SNX29: variants seen among roughly 807,000 people sequenced by gnomAD.
The protein encoded by SNX29 is sorting nexin-29.
Under a neutral mutation model 102.1 loss-of-function variants are expected in SNX29, and 78 were observed. The observed-to-expected ratio is 0.76, with a 90% CI of 0.64 to 0.92. The LOEUF is 0.92. SNX29 is among the 40% of genes least tolerant of loss of function. SNX29 has a pLI of 0.00. For synonymous variants in SNX29, 580 were observed against 414.5 expected (o/e 1.40, Z -4.85); for missense variants, 1,280 against 1,061.7 (o/e 1.21, Z -2.86).
At chr16:12,248,251 T>C (rs1255931436) in intron 14 of SNX29, among the ~76,000 whole-genome samples, 4 of 152,292 alleles carry the variant, frequency 2.6e-5, no homozygotes, top group African/African-American at 9.6e-5. Context: ...CCTGGCCTCT[T>C]CCTCCTCCCT....
intron 12 of SNX29, 77 bp from the exon 13 acceptor site, chr16:12,129,551 CTT>C (rs1567232672): frequency 6.7e-7 from 1 of 1,496,218 alleles, no homozygotes; most frequent in Non-Finnish European, 8.9e-7. Flanking sequence ...TAGGACTTGA[CTT>C]ATGTTAGGAA....
intron 10 of SNX29, among the ~76,000 whole-genome samples, chr16:12,072,651 C>T (rs899816625): frequency 2.0e-4 from 30 of 152,098 alleles, no homozygotes; most frequent in African/African-American, 6.0e-4. Context: ...TGTCTCTGCC[C>T]GGCTTTGGTA....
chr16:12,157,736 A>G (rs1007541003), intron 13 of SNX29, among the ~76,000 whole-genome samples: 2 of 152,022 alleles, frequency 1.3e-5, no homozygotes, highest in Non-Finnish European at 2.9e-5. Flanking sequence ...CCTGACCCCA[A>G]ATTCCTTGCT....
chr16:12,208,238 C>T (rs749032822), intron 14 of SNX29, among the ~76,000 whole-genome samples: 7 of 152,180 alleles, frequency 4.6e-5, no homozygotes, highest in African/African-American at 1.4e-4. Context: ...TCTCTCTGGC[C>T]GGGCAGCTGC....
In SNX29 at chr16:12,436,662, G is replaced by T. The variant is rs1005644666; in HGVS notation, c.2037+33133G>T. Among the ~76,000 whole-genome samples the T allele has an allele frequency of 1.2e-4, 19 of 152,344 alleles. No homozygotes were observed. The Middle Eastern group carries it at 0.01, about 82-fold the overall frequency. On this transcript the variant is annotated intron_variant, in intron 18 of 20. Coordinates refer to ENST00000566228, the MANE Select transcript of SNX29 (RefSeq NM_032167.5). The stretch of plus-strand genomic sequence containing the variant: ...CATCTTTAGGCACTTTCTGACCGGG[G>T]GACTTTGGCTGTGTCCTTTTGAGAC...
At chr16:12,106,687 C>A (rs899260486) in intron 11 of SNX29, among the ~76,000 whole-genome samples, 2 of 150,330 alleles carry the variant, frequency 1.3e-5, no homozygotes, top group Non-Finnish European at 2.9e-5. Context: ...CACTGTGTTG[C>A]CTAGGCTTAT....
intron 18 of SNX29, among the ~76,000 whole-genome samples, chr16:12,430,980 G>A (rs2085288346): frequency 6.6e-6 from 1 of 152,024 alleles, no homozygotes; most frequent in Non-Finnish European, 1.5e-5. Context: ...AGCCTCCCGA[G>A]TAGCAGGGAT....
At chr16:12,056,339 G>A (rs1424626405) in intron 8 of SNX29, among the ~76,000 whole-genome samples, 1 of 152,148 alleles carries the variant, frequency 6.6e-6, no homozygotes, top group East Asian at 1.9e-4. Flanking sequence ...ACTTGGCCTG[G>A]GCCCTCTGAA....
At chr16:12,033,963 A>G (rs1462174630) in intron 4 of SNX29, among the ~76,000 whole-genome samples, 1 of 152,010 alleles carries the variant, frequency 6.6e-6, no homozygotes, top group African/African-American at 2.4e-5. Context: ...CTGCATTCAA[A>G]ATAACCACTT....
rs150202397 is a variant in SNX29 at position 12,064,617 on chromosome 16, T to C, written c.1243+2971T>C. Among the ~76,000 whole-genome samples the C allele has an allele frequency of 7.1e-4, 108 of 152,180 alleles. 1 individual carries two copies. The highest frequency in any genetic ancestry group is 2.6e-3 in the African/African-American group (106 of 41,562). On this transcript the variant is annotated intron_variant, in intron 9 of 20. Transcript: ENST00000566228. Reference sequence around the variant, plus strand: ...GCAGGACATGGCATAGGGAGAAACATTATTCCAGGACTGTGTCAGGATGTT... The same window carrying C: ...GCAGGACATGGCATAGGGAGAAACACTATTCCAGGACTGTGTCAGGATGTT...
At chr16:12,468,949 G>C (rs1433611779) in intron 18 of SNX29, among the ~76,000 whole-genome samples, 2 of 152,242 alleles carry the variant, frequency 1.3e-5, no homozygotes, top group African/African-American at 4.8e-5. Flanking sequence ...TGAGTCAAAT[G>C]TCCAGAGACA....
intron 11 of SNX29, 102 bp downstream of exon 11, chr16:12,079,017 G>A: frequency 3.0e-6 from 3 of 997,612 alleles, no homozygotes; most frequent in South Asian, 3.2e-5. Context: ...GTGGGTTCAC[G>A]TCAGGTGTGT....
chr16:12,035,082 T>C (rs1447534220), intron 4 of SNX29, among the ~76,000 whole-genome samples: 5 of 152,094 alleles, frequency 3.3e-5, no homozygotes, highest in Non-Finnish European at 5.9e-5. Context: ...TTATCCAGCC[T>C]GAGTTCCGTG....
At chr16:12,447,963 G>T (rs141016104) in intron 18 of SNX29, among the ~76,000 whole-genome samples, 91 of 152,270 alleles carry the variant, frequency 6.0e-4, no homozygotes, top group Non-Finnish European at 1.1e-3. Flanking sequence ...TGGTAGCTGA[G>T]ATCATTCACA....
chr16:12,463,374 C>T (rs1254530986), intron 18 of SNX29, among the ~76,000 whole-genome samples: 1 of 152,184 alleles, frequency 6.6e-6, no homozygotes, highest in Non-Finnish European at 1.5e-5. Context: ...TTTAATTGGA[C>T]TCACAGTTCC....
At chr16:11,984,961 C>G (rs1170288250) in intron 1 of SNX29, among the ~76,000 whole-genome samples, 1 of 152,080 alleles carries the variant, frequency 6.6e-6, no homozygotes, top group East Asian at 1.9e-4. Flanking sequence ...GGCTTTCCTT[C>G]TTTCTTTTTT....
intron 10 of SNX29, among the ~76,000 whole-genome samples, chr16:12,076,048 G>A (rs1432450335): frequency 1.3e-5 from 2 of 152,144 alleles, no homozygotes; most frequent in African/African-American, 2.4e-5. Context: ...GGAGTGGCCC[G>A]ATATTCCAGG....
In SNX29 at chr16:12,543,226, C is replaced by T. The variant is rs143504568; in HGVS notation, c.2318+18385C>T. Among the ~76,000 whole-genome samples, 107 of 152,250 alleles carry T rather than the reference C, an allele frequency of 7.0e-4. 1 individual carries two copies. Among genetic ancestry groups the T allele is most frequent in the Admixed American group, 1.3e-3 (20 of 15,282 alleles). ...ATCACGTTGCTCCTGATAGCTGTAG[C>T]GGAAATTCTAGAGATTCTGAATGAT... is the stretch of plus-strand genomic sequence containing the variant. On this transcript the variant is annotated intron_variant, in intron 20 of 20. Transcript: ENST00000566228.
At chr16:12,371,122 C>T (rs1389352818) in intron 16 of SNX29, among the ~76,000 whole-genome samples, 1 of 152,322 alleles carries the variant, frequency 6.6e-6, no homozygotes, top group African/African-American at 2.4e-5. Flanking sequence ...GGGCCTTGTC[C>T]ATCTCAAAGC....
Sources: gnomAD v4.1 joint callset for allele counts (sites outside exome capture counted in the v4.1 genomes callset) on GRCh38, gnomAD v4.1.1 for gene constraint, MANE v1.5 for transcripts, NCBI Gene and HGNC (gene_info 2026-07-23, HGNC 2026-07-21) for gene names.